RNGTT: variants seen among roughly 807,000 people sequenced by gnomAD.
RNGTT encodes RNA guanylyltransferase and 5'-phosphatase.
RNGTT carries 33 observed loss-of-function variants against 79.3 expected under a neutral mutation model. The ratio of observed to expected loss-of-function variants is 0.42; its 90% CI spans 0.32 to 0.56. The LOEUF is 0.56. RNGTT is among the 20% of genes least tolerant of loss of function. The pLI is 0.17. For missense variants in RNGTT, 497 were observed against 739.1 expected, an observed-to-expected ratio of 0.67 and a Z score of 3.80; for synonymous variants, 222 against 235.9, an observed-to-expected ratio of 0.94 and a Z score of 0.54.
intron 11 of RNGTT, among the ~76,000 whole-genome samples, chr6:88,816,603 A>T (rs1407837038): frequency 6.6e-6 from 1 of 152,214 alleles, no homozygotes; most frequent in African/African-American, 2.4e-5. Flanking sequence ...GTATTGGAAA[A>T]GCAATGTACT....
chr6:88,615,288 T>C (rs1188588959), intron 14 of RNGTT, among the ~76,000 whole-genome samples: 3 of 152,200 alleles, frequency 2.0e-5, no homozygotes, highest in Non-Finnish European at 4.4e-5. Flanking sequence ...TGAAACATTC[T>C]CATTTTTCTA....
intron 6 of RNGTT, among the ~76,000 whole-genome samples, chr6:88,894,312 A>G (rs1783153096): frequency 6.6e-6 from 1 of 152,188 alleles, no homozygotes; most frequent in African/African-American, 2.4e-5. Context: ...ATCACCTCTC[A>G]CAAACAAGAG....
At chr6:88,697,401 A>G (rs1032416748) in intron 13 of RNGTT, among the ~76,000 whole-genome samples, 1 of 151,972 alleles carries the variant, frequency 6.6e-6, no homozygotes, top group Non-Finnish European at 1.5e-5. Flanking sequence ...AATAAAAAAA[A>G]TTAGCCAGGC....
At chr6:88,669,256 G>T (rs1196322755) in intron 14 of RNGTT, among the ~76,000 whole-genome samples, 2 of 152,164 alleles carry the variant, frequency 1.3e-5, no homozygotes, top group Non-Finnish European at 2.9e-5. Flanking sequence ...GAAGACAAAA[G>T]ATTTGTTCCT....
chr6:88,724,342 C>T (rs967242299), intron 13 of RNGTT, among the ~76,000 whole-genome samples: 1 of 152,030 alleles, frequency 6.6e-6, no homozygotes, highest in African/African-American at 2.4e-5. Context: ...TTTTACTGTA[C>T]GATTTCTTGT....
intron 11 of RNGTT, among the ~76,000 whole-genome samples, chr6:88,809,812 G>A (rs1004607887): frequency 2.0e-5 from 3 of 152,112 alleles, no homozygotes; most frequent in Non-Finnish European, 4.4e-5. Context: ...ACTTTGGGAG[G>A]CTGAGGTGGG....
At chr6:88,914,577 C>T (rs779524924) in intron 4 of RNGTT, among the ~76,000 whole-genome samples, 18 of 152,050 alleles carry the variant, frequency 1.2e-4, no homozygotes, top group Non-Finnish European at 1.9e-4. Flanking sequence ...GGAAAACTGG[C>T]TAACCATATG....
chr6:88,825,946 T>C (rs1473278016), intron 11 of RNGTT, among the ~76,000 whole-genome samples: 1 of 152,246 alleles, frequency 6.6e-6, no homozygotes, highest in Non-Finnish European at 1.5e-5. Flanking sequence ...TGCTGATCTC[T>C]TTCTAATCTA....
chr6:88,931,187 T>TAAAAAAAAAA (rs34070183), intron 2 of RNGTT, among the ~76,000 whole-genome samples: 36 of 101,906 alleles, frequency 3.5e-4, no homozygotes, highest in African/African-American at 6.4e-4. Context: ...TATAAAGCTG[T>TAAAAAAAAAA]AAAAAAAAAA....
chr6:88,757,634 C>T (rs2127834011), intron 13 of RNGTT, among the ~76,000 whole-genome samples: 1 of 152,172 alleles, frequency 6.6e-6, no homozygotes, highest in East Asian at 1.9e-4. Context: ...GAAAAGACAA[C>T]ATATGATGTT....
chr6:88,650,922 G>A (rs1368376086), intron 14 of RNGTT, among the ~76,000 whole-genome samples: 1 of 152,054 alleles, frequency 6.6e-6, no homozygotes, highest in African/African-American at 2.4e-5. Context: ...ATACTTCATA[G>A]TGATATCAGA....
intron 14 of RNGTT, among the ~76,000 whole-genome samples, chr6:88,644,882 C>T (rs1773479215): frequency 7.2e-5 from 11 of 152,162 alleles, no homozygotes; most frequent in Admixed American, 7.2e-4. Context: ...TATGACAAAG[C>T]CACAGCCAAT....
intron 14 of RNGTT, among the ~76,000 whole-genome samples, chr6:88,617,593 T>G (rs895321921): frequency 3.3e-5 from 5 of 152,230 alleles, no homozygotes; most frequent in Non-Finnish European, 5.9e-5. Flanking sequence ...TTAGATGCTT[T>G]GAAGTATGTT....
chr6:88,614,933 A>G (rs145288409), intron 14 of RNGTT, among the ~76,000 whole-genome samples: 64 of 152,346 alleles, frequency 4.2e-4, no homozygotes, highest in African/African-American at 1.5e-3. Flanking sequence ...CCAACAATCT[A>G]ATCTTCAGGA....
At chr6:88,774,502 TCAAA>T (rs1778806678) in intron 12 of RNGTT, among the ~76,000 whole-genome samples, 1 of 152,056 alleles carries the variant, frequency 6.6e-6, no homozygotes, top group Non-Finnish European at 1.5e-5. Context: ...AAACAGCTAC[TCAAA>T]CAGACACTTG....
chr6:88,867,550 A>G (rs1159648682), intron 8 of RNGTT, among the ~76,000 whole-genome samples: 2 of 151,972 alleles, frequency 1.3e-5, no homozygotes, highest in Admixed American at 1.3e-4. Context: ...AAAAAGCAAA[A>G]GAATTTTAAA....
intron 13 of RNGTT, among the ~76,000 whole-genome samples, chr6:88,696,997 AG>A (rs1172427406): frequency 1.3e-5 from 2 of 152,204 alleles, no homozygotes; most frequent in African/African-American, 4.8e-5. Flanking sequence ...TCAATCAAAA[AG>A]AAAAATGTTG....
In RNGTT at chr6:88,637,834, C is replaced by G. The variant is rs1773156152; in HGVS notation, c.1507-23439G>C. 3.9e-5 allele frequency among the ~76,000 whole-genome samples: 6 copies of G among 151,984 alleles called. No individual in the cohort carries two copies. In the South Asian group the frequency reaches 1.2e-3, roughly 32 times the overall value. ...TATTTTTAAAAATGACTTTTATGAG[C>G]CTGGTATTGTGCTAGGTGCTTTATC... On this transcript the variant is annotated intron_variant, in intron 14 of 15. Transcript: ENST00000369485.
chr6:88,811,166 G>A (rs73498417), intron 11 of RNGTT, among the ~76,000 whole-genome samples: 3,920 of 152,192 alleles, frequency 0.026, 184 homozygotes, highest in African/African-American at 0.088. Flanking sequence ...GGAATATCTG[G>A]TCAATCACCC....
Sources: allele counts gnomAD v4.1 joint callset (sites outside exome capture counted in the v4.1 genomes callset), GRCh38; gene constraint gnomAD v4.1.1; transcripts MANE v1.5; gene names NCBI Gene and HGNC (gene_info 2026-07-23, HGNC 2026-07-21).